The following IGBP1 variants were observed in gnomAD, a reference collection of about 807,000 sequenced individuals.
IGBP1 encodes the protein immunoglobulin-binding protein 1.
Under a neutral mutation model 25.9 loss-of-function variants are expected in IGBP1, and 2 were observed. The ratio of observed to expected loss-of-function variants is 0.08; its 90% confidence interval spans 0.03 to 0.24. IGBP1 has a LOEUF of 0.24. Among genes scored for constraint, IGBP1 ranks in the 10% least tolerant of loss-of-function variants. IGBP1 has a pLI of 1.00. For synonymous variants in IGBP1, 96 were observed against 93.4 expected (o/e 1.03, Z -0.16); for missense variants, 187 against 260.4 (o/e 0.72, Z 1.94).
intron 6 of IGBP1, chrX:70,165,228 T>C (rs1346126602): frequency 1.8e-5 from 2 of 112,193 alleles, no homozygotes; most frequent in African/African-American, 3.3e-5. Context: ...TTAATTTCTT[T>C]TGGGTGTACA....
At chrX:70,153,182 C>T (rs1379927368) in intron 6 of IGBP1, among the ~76,000 whole-genome samples, 1 of 111,651 alleles carries the variant, frequency 9.0e-6, no homozygotes, top group African/African-American at 3.3e-5. Context: ...GGGGGAGGAA[C>T]CTGTCAACGT....
intron 6 of IGBP1, among the ~76,000 whole-genome samples, chrX:70,154,324 G>A (rs1485920420): frequency 2.6e-4 from 28 of 106,542 alleles, no homozygotes; most frequent in Non-Finnish European, 3.1e-4. Context: ...CGCCCGCCTC[G>A]GCCTCCCAAA....
At chrX:70,158,390 A>G (rs929563789) in intron 6 of IGBP1, among the ~76,000 whole-genome samples, 5 of 112,194 alleles carry the variant, frequency 4.5e-5, no homozygotes, top group Admixed American at 2.8e-4. Context: ...CAGGAACTCC[A>G]ATCAAGCAAG....
intron 3 of IGBP1, among the ~76,000 whole-genome samples, chrX:70,145,513 TC>T (rs2085160379): frequency 9.0e-6 from 1 of 111,313 alleles, no homozygotes; most frequent in African/African-American, 3.3e-5. Context: ...TGTTTTTATG[TC>T]ACTCTATTCA....
intron 4 of IGBP1, among the ~76,000 whole-genome samples, chrX:70,147,714 T>C (rs958629322): frequency 4.1e-4 from 46 of 112,060 alleles, no homozygotes; most frequent in African/African-American, 1.4e-3. Context: ...TCTTTGAACA[T>C]CATAACCCTG....
At chrX:70,138,753 A>G (rs2085112597) in intron 3 of IGBP1, among the ~76,000 whole-genome samples, 1 of 111,527 alleles carries the variant, frequency 9.0e-6, no homozygotes, top group African/African-American at 3.3e-5. Flanking sequence ...TGAAACCATG[A>G]TATTGAATGT....
At chrX:70,137,996 G>T (rs1285762148) in intron 3 of IGBP1, among the ~76,000 whole-genome samples, 9 of 108,165 alleles carry the variant, frequency 8.3e-5, no homozygotes, top group Non-Finnish European at 1.7e-4. Flanking sequence ...ATTATCCGGG[G>T]GTGGTGATGC....
At chrX:70,148,423 C>G (rs2085180980) in intron 4 of IGBP1, among the ~76,000 whole-genome samples, 4 of 112,046 alleles carry the variant, frequency 3.6e-5, no homozygotes, top group Admixed American at 1.9e-4. Context: ...AAAGGGGCTT[C>G]AAGTTCAGCT....
At chrX:70,154,714 C>CAAAAAAAAAAAAAAAAAAAAAAAAAAAA (rs762954223) in intron 6 of IGBP1, among the ~76,000 whole-genome samples, 12 of 27,102 alleles carry the variant, frequency 4.4e-4, no homozygotes, top group African/African-American at 2.0e-3. Flanking sequence ...CCCCTCTCCA[C>CAAAAAAAAAAAAAAAAAAAAAAAAAAAA]AAAAAAAAAA....
intron 6 of IGBP1, among the ~76,000 whole-genome samples, chrX:70,152,638 A>T (rs1249054153): frequency 8.9e-6 from 1 of 112,330 alleles, no homozygotes; most frequent in Admixed American, 9.5e-5. Flanking sequence ...TAATGAAAAG[A>T]TAAGAAATCT....
At chrX:70,153,972 A>C (rs753252921) in intron 6 of IGBP1, among the ~76,000 whole-genome samples, 1 of 111,292 alleles carries the variant, frequency 9.0e-6, no homozygotes, top group South Asian at 3.8e-4. Flanking sequence ...ACCCTGATAG[A>C]GTATGAGAGG....
In IGBP1 at chrX:70,134,079, G is replaced by A; in HGVS notation, c.132G>A (p.Lys44=). The part of the protein sequence containing the change: ...GSRIVQEKVF[K]GLDLLEKAAE... ...GGATAGTCCAGGAGAAGGTGTTCAA[G>A]GGCTTGGACCTCCTTGAGAAGGCTG... Residue 44 remains lysine, a synonymous_variant, in exon 2 of 7, where the codon AAG becomes AAA. Transcript: ENST00000356413. The A allele has an allele frequency of 8.3e-7, 1 of 1,212,046 alleles. No individual in the cohort carries two copies. Among genetic ancestry groups the A allele is most frequent in the East Asian group, 3.0e-5 (1 of 33,854 alleles).
intron 5 of IGBP1, among the ~76,000 whole-genome samples, chrX:70,149,185 G>A (rs1313639674): frequency 2.8e-5 from 3 of 106,213 alleles, no homozygotes; most frequent in Admixed American, 1.0e-4. Flanking sequence ...CCGAGATCGC[G>A]CCATTGCACT....
Position 70,133,791 on chromosome X carries a change from C to A in IGBP1, c.-157C>A. On this transcript the variant is annotated 5_prime_UTR_variant, in exon 2 of 7. Transcript: ENST00000356413. ...GGAAACGGTTGCCAGGGCCGGCTAA[C>A]AGCGGCTCCCGGAAGTCCTTTGATG... is the stretch of plus-strand genomic sequence containing the variant. 2.1e-6 allele frequency: 1 copy of A among 485,283 alleles called. No homozygotes were observed. The highest frequency in any genetic ancestry group is 3.5e-6 in the Non-Finnish European group (1 of 285,259). The allele number at this position is 485,283 out of a possible 1,213,427, so 40.0% of individuals were successfully genotyped here. A position where few individuals can be genotyped will look rare whatever the true frequency, so the allele number is the denominator to read the frequency against.
chrX:70,143,830 G>T (rs956086610), intron 3 of IGBP1, among the ~76,000 whole-genome samples: 1 of 112,265 alleles, frequency 8.9e-6, no homozygotes, highest in Admixed American at 9.4e-5. Flanking sequence ...TAGAAGAAAA[G>T]GTTCTTTTAC....
In IGBP1 at chrX:70,166,291, A is replaced by G. The variant is rs972293178; in HGVS notation, c.*310A>G. 8.8e-5 allele frequency: 19 copies of G among 215,059 alleles called. No homozygotes were observed. In the East Asian group the frequency reaches 1.8e-3, roughly 20 times the overall value. 17.7% of individuals were successfully genotyped at this position (215,059 alleles called of 1,213,427 possible). A position where few individuals can be genotyped will look rare whatever the true frequency, so the allele number is the denominator to read the frequency against. ...ATCCGAATTCTCTGAAAAAATAATAAAAGTCCCCTCTATTATATGAGCCTG... is the reference window on the plus strand; with the variant it reads ...ATCCGAATTCTCTGAAAAAATAATAGAAGTCCCCTCTATTATATGAGCCTG... On this transcript the variant is annotated 3_prime_UTR_variant, in exon 7 of 7. Transcript: ENST00000356413.
intron 6 of IGBP1, among the ~76,000 whole-genome samples, chrX:70,156,973 TAA>T (rs1194105585): frequency 8.9e-6 from 1 of 111,936 alleles, no homozygotes; most frequent in Non-Finnish European, 1.9e-5. Flanking sequence ...GAGTAGATGT[TAA>T]GTGTTCTTAC....
At chrX:70,139,050 G>A (rs1170866774) in intron 3 of IGBP1, among the ~76,000 whole-genome samples, 1 of 111,757 alleles carries the variant, frequency 8.9e-6, no homozygotes, top group East Asian at 2.8e-4. Context: ...TGGGTGGCCG[G>A]GTGCGGTGGC....
intron 3 of IGBP1, among the ~76,000 whole-genome samples, chrX:70,137,297 GGAAGAA>G (rs1268535668): frequency 9.0e-6 from 1 of 111,084 alleles, no homozygotes; most frequent in African/African-American, 3.3e-5. Flanking sequence ...AGGGGAAAGA[GGAAGAA>G]GAGAAGATCG....
Sources: gnomAD v4.1 joint callset for allele counts (sites outside exome capture counted in the v4.1 genomes callset) on GRCh38, gnomAD v4.1.1 for gene constraint, MANE v1.5 for transcripts, NCBI Gene and HGNC (gene_info 2026-07-23, HGNC 2026-07-21) for gene names.